Variants in GHR observed in about 807,000 individuals in gnomAD.
The protein encoded by GHR is GH receptor.
A neutral mutation model predicts 67.1 loss-of-function variants in GHR; 35 were observed. The ratio of observed to expected loss-of-function variants is 0.52; its 90% confidence interval spans 0.40 to 0.69. The LOEUF is 0.69. Ranked by LOEUF, GHR falls within the 30% of genes least tolerant of loss-of-function variation. The probability of loss-of-function intolerance (pLI) is 0.00; values close to 1 mark genes in which losing one functional copy is unlikely to be tolerated. For synonymous variants in GHR, 272 were observed against 269.1 expected (o/e 1.01, Z -0.10); for missense variants, 792 against 764.6 (o/e 1.04, Z -0.42).
At chr5:42,694,818 C>G in intron 4 of GHR, 99 bp from the exon 5 acceptor site, 1 of 895,764 alleles carries the variant, frequency 1.1e-6, no homozygotes, top group East Asian at 2.4e-5. Flanking sequence ...AAATATTTGT[C>G]TTCCAATTTA....
Position 42,718,577 on chromosome 5 carries a change from C to G in GHR, c.1070C>G (p.Thr357Ser), listed in dbSNP as rs1758843021. The G allele has an allele frequency of 1.2e-6, 2 of 1,613,966 alleles. No individual in the cohort carries two copies. Among genetic ancestry groups the G allele is most frequent in the Non-Finnish European group, 1.7e-6 (2 of 1,179,982 alleles). ...GATATTGATGAGCCAGATGAAAAGA[C>G]TGAGGAATCAGACACAGACAGACTT... ...ELDIDEPDEK[T>S]EESDTDRLLS... The change falls in exon 10 of 10, where the codon ACT (threonine) becomes AGT (serine). Residue 357 changes from threonine to serine, a missense_variant. Physicochemically the swap from Thr to Ser is moderately conservative, Grantham distance 58. Transcript: ENST00000230882.
intron 1 of GHR, among the ~76,000 whole-genome samples, chr5:42,430,797 A>G (rs1743061431): frequency 6.6e-6 from 1 of 152,110 alleles, no homozygotes; most frequent in Non-Finnish European, 1.5e-5. Context: ...CCCACCTCCC[A>G]GTCCTCACCC....
chr5:42,692,203 A>T (rs922168054), intron 4 of GHR, among the ~76,000 whole-genome samples: 1 of 152,132 alleles, frequency 6.6e-6, no homozygotes, highest in Non-Finnish European at 1.5e-5. Flanking sequence ...TCATGAAAAC[A>T]GCTGCCCTTA....
At chr5:42,433,818 G>A (rs775403557) in intron 1 of GHR, among the ~76,000 whole-genome samples, 19 of 148,240 alleles carry the variant, frequency 1.3e-4, no homozygotes, top group Non-Finnish European at 1.3e-4. Context: ...ACCAGGAGGC[G>A]TATCTTGAGT....
At chr5:42,526,627 G>T (rs1476601472) in intron 1 of GHR, among the ~76,000 whole-genome samples, 1 of 152,182 alleles carries the variant, frequency 6.6e-6, no homozygotes, top group East Asian at 1.9e-4. Context: ...TCAAAGGGAA[G>T]GCTGATCCTT....
intron 1 of GHR, among the ~76,000 whole-genome samples, chr5:42,469,853 A>G (rs1373910441): frequency 6.6e-6 from 1 of 152,056 alleles, no homozygotes; most frequent in Non-Finnish European, 1.5e-5. Flanking sequence ...TAGAAGCATA[A>G]AGGTTTCTTT....
chr5:42,580,247 C>G (rs548513819), intron 2 of GHR, among the ~76,000 whole-genome samples: 3 of 151,952 alleles, frequency 2.0e-5, no homozygotes, highest in Non-Finnish European at 4.4e-5. Flanking sequence ...TATTGATGAC[C>G]TATTATTTAC....
rs945301727 is a variant in GHR, at chr5:42,646,445, A to T, written c.136+17342A>T. ...AGTGTACATCACCCATAATAAAAGT[A>T]AAAGCTTTTTTTTTTATTTACCCAG... On this transcript the variant is annotated intron_variant, in intron 3 of 9. Coordinates refer to ENST00000230882, the MANE Select transcript of GHR (RefSeq NM_000163.5). The T allele has an allele frequency of 8.6e-5, 33 of 382,488 alleles. 1 individual carries two copies. The highest frequency in any genetic ancestry group is 6.6e-4 in the South Asian group (33 of 49,848). 23.7% of individuals were successfully genotyped at this position (382,488 alleles called of 1,614,324 possible). A position where few individuals can be genotyped will look rare whatever the true frequency, so the allele number is the denominator to read the frequency against.
At chr5:42,433,242 C>A (rs1743172591) in intron 1 of GHR, among the ~76,000 whole-genome samples, 1 of 150,396 alleles carries the variant, frequency 6.6e-6, no homozygotes. Context: ...TTGCTTTTGT[C>A]CTACAAAGTT....
chr5:42,508,923 GA>G (rs1020897829), intron 1 of GHR, among the ~76,000 whole-genome samples: 26 of 152,230 alleles, frequency 1.7e-4, no homozygotes, highest in Admixed American at 1.6e-3. Context: ...AAAAGAAAAT[GA>G]ATATTTTTAA....
rs1182148947 is a variant in GHR, at chr5:42,454,128, A to C, written c.-12+30173A>C. ...TGGGCTGGTGCTGGCGAATGTCTGC[A>C]AAGAGACCGGTGATCTGATCAGTCT... On this transcript the variant is annotated intron_variant, in intron 1 of 9. Transcript: ENST00000230882. Among the ~76,000 whole-genome samples the C allele has an allele frequency of 8.5e-5, 13 of 152,284 alleles. 1 individual carries two copies. The South Asian group carries it at 2.7e-3, about 32-fold the overall frequency.
At chr5:42,576,140 A>AAGTAAAGTAAAGTAAAG (rs1460092134) in intron 2 of GHR, among the ~76,000 whole-genome samples, 1 of 96,042 alleles carries the variant, frequency 1.0e-5, no homozygotes, top group African/African-American at 4.4e-5. Context: ...AAATAAAATA[A>AAGTAAAGTAAAGTAAAG]AATAGTAAAG....
At chr5:42,649,581 G>A (rs746686822) in intron 3 of GHR, among the ~76,000 whole-genome samples, 9 of 152,070 alleles carry the variant, frequency 5.9e-5, no homozygotes, top group Non-Finnish European at 1.0e-4. Context: ...CATTTAAGAG[G>A]CAGCAAAGCC....
chr5:42,468,043 G>C (rs1204130217), intron 1 of GHR: 2 of 846,048 alleles, frequency 2.4e-6, no homozygotes, highest in Non-Finnish European at 3.8e-6. Flanking sequence ...CAGCTTTCTG[G>C]ATTCTTCCTA....
intron 2 of GHR, among the ~76,000 whole-genome samples, chr5:42,626,058 T>A (rs775006390): frequency 1.1e-4 from 17 of 152,138 alleles, no homozygotes; most frequent in Non-Finnish European, 5.9e-5. Flanking sequence ...CCAGAACCCT[T>A]AGGTAGGAAT....
Position 42,554,172 on chromosome 5 carries a change from C to T in GHR, c.-11-11692C>T, listed in dbSNP as rs528185308. Among the ~76,000 whole-genome samples the T allele has an allele frequency of 1.1e-4, 17 of 152,232 alleles. No individual in the cohort carries two copies. In the South Asian group the frequency reaches 1.9e-3, roughly 17 times the overall value. On this transcript the variant is annotated intron_variant, in intron 1 of 9. Coordinates refer to ENST00000230882, the MANE Select transcript of GHR (RefSeq NM_000163.5). ...CTGATCCAATTCATCTATGATAAAG[C>T]CAGAGCATTGATTTTTAAGTTCTGC...
chr5:42,625,055 T>TAG (rs1419590898), intron 2 of GHR, among the ~76,000 whole-genome samples: 2 of 152,088 alleles, frequency 1.3e-5, no homozygotes, highest in Non-Finnish European at 2.9e-5. Context: ...TAATAAAATT[T>TAG]AGAGAGAGAA....
chr5:42,550,872 C>G (rs1748993287), intron 1 of GHR, among the ~76,000 whole-genome samples: 1 of 152,154 alleles, frequency 6.6e-6, no homozygotes, highest in South Asian at 2.1e-4. Context: ...CTGAAATTCT[C>G]TTGCACCAAC....
chr5:42,716,316 G>A (rs1758720420), intron 8 of GHR, among the ~76,000 whole-genome samples: 1 of 152,158 alleles, frequency 6.6e-6, no homozygotes, highest in Non-Finnish European at 1.5e-5. Context: ...CCAAGTTTTT[G>A]CACAGATATA....
Sources: allele counts gnomAD v4.1 joint callset (sites outside exome capture counted in the v4.1 genomes callset), GRCh38; gene constraint gnomAD v4.1.1; transcripts MANE v1.5; gene names NCBI Gene and HGNC (gene_info 2026-07-23, HGNC 2026-07-21).